PPARGC1A: variants seen among roughly 807,000 people sequenced by gnomAD.
The protein encoded by PPARGC1A is peroxisome proliferator-activated receptor gamma coactivator 1-alpha.
PPARGC1A carries 25 observed loss-of-function variants against 88.7 expected under a neutral mutation model. The ratio of observed to expected loss-of-function variants is 0.28; its 90% confidence interval spans 0.21 to 0.39. PPARGC1A has a LOEUF of 0.39. Ranked by LOEUF, PPARGC1A falls within the 10% of genes least tolerant of loss-of-function variation. The probability of loss-of-function intolerance (pLI) is 1.00; values close to 1 mark genes in which losing one functional copy is unlikely to be tolerated. For missense variants in PPARGC1A, 880 were observed against 968.7 expected (o/e 0.91, Z 1.22); for synonymous variants, 363 against 355.6 (o/e 1.02, Z -0.24).
chr4:24,276,583 T>C, the PPARGC1A span, among the ~76,000 whole-genome samples: 1 of 152,214 alleles, frequency 6.6e-6, no homozygotes, highest in Non-Finnish European at 1.5e-5. Flanking sequence ...GAGAGGCATC[T>C]GAGAAGAGCT....
chr4:24,052,501 G>T, the PPARGC1A span, among the ~76,000 whole-genome samples: 1 of 152,146 alleles, frequency 6.6e-6, no homozygotes, highest in Admixed American at 6.5e-5. Context: ...GCTGGGCATG[G>T]TGGTGCACAC....
the PPARGC1A span, among the ~76,000 whole-genome samples, chr4:24,287,665 C>CACACACACACACACACA: frequency 6.6e-6 from 1 of 151,224 alleles, no homozygotes; most frequent in Non-Finnish European, 1.5e-5. Context: ...CACACACACA[C>CACACACACACACACACA]AACTGCACTC....
the PPARGC1A span, among the ~76,000 whole-genome samples, chr4:24,469,410 C>T: frequency 2.6e-5 from 4 of 152,164 alleles, no homozygotes; most frequent in Non-Finnish European, 4.4e-5. Context: ...GATTCACTGC[C>T]CCGGCTGCAT....
At chr4:24,176,199 C>T in the PPARGC1A span, among the ~76,000 whole-genome samples, 2 of 152,184 alleles carry the variant, frequency 1.3e-5, no homozygotes, top group East Asian at 1.9e-4. Context: ...TCTCTTCTTC[C>T]GGCCCTAACA....
chr4:24,192,260 C>T, the PPARGC1A span, among the ~76,000 whole-genome samples: 5 of 152,284 alleles, frequency 3.3e-5, no homozygotes, highest in African/African-American at 9.6e-5. Context: ...CCTCCCTGAA[C>T]GTCCATTTGC....
the PPARGC1A span, among the ~76,000 whole-genome samples, chr4:24,028,794 T>C: frequency 4.6e-5 from 7 of 152,228 alleles, no homozygotes; most frequent in Non-Finnish European, 8.8e-5. Flanking sequence ...TGTATGTCCC[T>C]AGTTCATGAC....
the PPARGC1A span, among the ~76,000 whole-genome samples, chr4:24,037,485 G>A: frequency 1.3e-5 from 2 of 152,152 alleles, no homozygotes; most frequent in Non-Finnish European, 2.9e-5. Flanking sequence ...GATCTTTTCA[G>A]ATCACATAGA....
chr4:23,986,434 G>A, the PPARGC1A span, among the ~76,000 whole-genome samples: 26 of 152,158 alleles, frequency 1.7e-4, no homozygotes, highest in Non-Finnish European at 2.9e-4. Flanking sequence ...GAGTTAATAA[G>A]TCTCTACTTG....
At chr4:24,196,267 C>CT in the PPARGC1A span, among the ~76,000 whole-genome samples, 3 of 152,210 alleles carry the variant, frequency 2.0e-5, no homozygotes, top group African/African-American at 7.2e-5. Context: ...GAAAATCAGT[C>CT]TTCCCCTTAC....
At chr4:23,807,734 T>C (rs1011531883) in intron 10 of PPARGC1A, among the ~76,000 whole-genome samples, 3 of 151,234 alleles carry the variant, frequency 2.0e-5, no homozygotes, top group African/African-American at 7.4e-5. Flanking sequence ...GTTTTTTTCT[T>C]TTGTGTGTGT....
chr4:24,195,431 C>T, the PPARGC1A span, among the ~76,000 whole-genome samples: 141,896 of 152,306 alleles, frequency 0.93, 66,193 homozygotes, highest in Middle Eastern at 0.98. Flanking sequence ...GATGGTATTT[C>T]ATAAGCTAGT....
intron 12 of PPARGC1A, among the ~76,000 whole-genome samples, chr4:23,798,596 T>A (rs1187311991): frequency 2.0e-5 from 3 of 152,210 alleles, no homozygotes; most frequent in Non-Finnish European, 4.4e-5. Context: ...TTTATTTTTT[T>A]AAATGTTTAA....
the PPARGC1A span, among the ~76,000 whole-genome samples, chr4:23,941,039 T>C: frequency 6.6e-6 from 1 of 152,112 alleles, no homozygotes; most frequent in African/African-American, 2.4e-5. Flanking sequence ...GAAAATAGTT[T>C]TTCTTAATTT....
the PPARGC1A span, among the ~76,000 whole-genome samples, chr4:24,338,557 A>T: frequency 6.6e-6 from 1 of 152,186 alleles, no homozygotes; most frequent in African/African-American, 2.4e-5. Context: ...GCACACAAAC[A>T]AATCAAAATT....
chr4:23,850,923 T>C (rs1729172361), intron 2 of PPARGC1A, among the ~76,000 whole-genome samples: 1 of 152,204 alleles, frequency 6.6e-6, no homozygotes, highest in South Asian at 2.1e-4. Flanking sequence ...TTTACCTTTA[T>C]AGGTATACAT....
At chr4:23,816,145 C>T (rs192907613) in intron 7 of PPARGC1A, among the ~76,000 whole-genome samples, 6 of 152,274 alleles carry the variant, frequency 3.9e-5, no homozygotes, top group East Asian at 1.9e-4. Context: ...GGTTTGACTT[C>T]GGAGTTCCAA....
At chr4:23,834,236 C>T (rs1257434020) in intron 2 of PPARGC1A, among the ~76,000 whole-genome samples, 1 of 151,998 alleles carries the variant, frequency 6.6e-6, no homozygotes, top group Non-Finnish European at 1.5e-5. Context: ...GGGGGTGGAG[C>T]TTGCAGTGAG....
At chr4:24,161,195 G>A in the PPARGC1A span, among the ~76,000 whole-genome samples, 497 of 152,300 alleles carry the variant, frequency 3.3e-3, no homozygotes, top group Non-Finnish European at 5.7e-3. Flanking sequence ...GGTCCCCCTT[G>A]AGCAAGTAAA....
the PPARGC1A span, among the ~76,000 whole-genome samples, chr4:23,968,408 A>G: frequency 1.3e-5 from 2 of 152,196 alleles, no homozygotes; most frequent in South Asian, 2.1e-4. Flanking sequence ...TCAGAGCACA[A>G]TGTTAATCCC....
Sources: allele counts gnomAD v4.1 joint callset (sites outside exome capture counted in the v4.1 genomes callset), GRCh38; gene constraint gnomAD v4.1.1; transcripts MANE v1.5; gene names NCBI Gene and HGNC (gene_info 2026-07-23, HGNC 2026-07-21).